The following PIK3R3 variants were observed in gnomAD, a reference collection of about 807,000 sequenced individuals.
PIK3R3 encodes phosphatidylinositol 3-kinase regulatory subunit gamma.
Under a neutral mutation model 62.9 loss-of-function variants are expected in PIK3R3, and 64 were observed. The ratio of observed to expected loss-of-function variants is 1.02; its 90% confidence interval spans 0.83 to 1.25. The LOEUF (loss-of-function observed/expected upper bound fraction) is 1.25, where lower values mean the gene tolerates loss of function less well. Ranked by LOEUF, PIK3R3 falls within the 50% of genes most tolerant of loss-of-function variation. The pLI, the probability that PIK3R3 is intolerant of heterozygous loss-of-function variation, is 0.00. For synonymous variants in PIK3R3, 165 were observed against 189.0 expected, an observed-to-expected ratio of 0.87 and a Z score of 1.04; for missense variants, 614 against 561.6, an observed-to-expected ratio of 1.09 and a Z score of -0.94.
At chr1:46,082,667 C>T (rs1650708173) in intron 1 of PIK3R3, among the ~76,000 whole-genome samples, 1 of 152,174 alleles carries the variant, frequency 6.6e-6, no homozygotes, top group Non-Finnish European at 1.5e-5. Context: ...TTGAACTGTA[C>T]TTGTAACTTT....
intron 1 of PIK3R3, among the ~76,000 whole-genome samples, chr1:46,111,386 G>A (rs911932069): frequency 4.0e-5 from 6 of 151,794 alleles, no homozygotes; most frequent in African/African-American, 7.3e-5. Context: ...ATGCCCCACC[G>A]CTGCCTTCTT....
upstream of PIK3R3, among the ~76,000 whole-genome samples, chr1:46,133,960 T>G (rs1033809066): frequency 6.6e-6 from 1 of 152,186 alleles, no homozygotes; most frequent in African/African-American, 2.4e-5. Context: ...AGCTTAAATC[T>G]GGGAGATTGG....
At chr1:46,097,225 C>A (rs983942749) in intron 1 of PIK3R3, among the ~76,000 whole-genome samples, 2 of 152,124 alleles carry the variant, frequency 1.3e-5, no homozygotes, top group African/African-American at 4.8e-5. Flanking sequence ...ATCATCTCAA[C>A]AGATGCAGAA....
chr1:46,160,345 T>G, the PIK3R3 span, among the ~76,000 whole-genome samples: 13 of 152,230 alleles, frequency 8.5e-5, no homozygotes, highest in Non-Finnish European at 1.6e-4. Flanking sequence ...TGGTGAAGAT[T>G]CTTCAACTTT....
At chr1:46,045,616 GCT>G (rs1491563744) in intron 9 of PIK3R3, among the ~76,000 whole-genome samples, 2 of 16,532 alleles carry the variant, frequency 1.2e-4, no homozygotes, top group Non-Finnish European at 1.2e-4. Flanking sequence ...ACAATTAAGT[GCT>G]TTTTTTTTTT....
chr1:46,071,462 G>A (rs957111878), intron 3 of PIK3R3, among the ~76,000 whole-genome samples: 3 of 151,334 alleles, frequency 2.0e-5, no homozygotes, highest in East Asian at 1.9e-4. Context: ...TTGGGAGGCC[G>A]AGGCGGGCAG....
chr1:46,077,511 T>C lies in PIK3R3; in HGVS notation c.314+4A>G, dbSNP rs964603204. 6.4e-6 allele frequency: 10 copies of C among 1,563,862 alleles called. No individual in the cohort carries two copies. Among genetic ancestry groups the C allele is most frequent in the Non-Finnish European group, 8.8e-6 (10 of 1,134,384 alleles). ...AACTAGCCAAAAGACTGAAAAGTAC[T>C]TACCGCAAAGTCAAAGTATAATCTC... is the stretch of plus-strand genomic sequence containing the variant. On this transcript the variant is annotated splice_donor_region_variant and intron_variant, in intron 3 of 9. Transcript: ENST00000262741.
In PIK3R3 at chr1:46,062,078, G is replaced by C. The variant is rs754019873; in HGVS notation, c.622-7C>G. The C allele has an allele frequency of 6.3e-7, 1 of 1,579,892 alleles. No individual in the cohort carries two copies. The highest frequency in any genetic ancestry group is 1.7e-4 in the Middle Eastern group (1 of 5,938). ...TCCTCTTCATCTGTATTTCCTACAG[G>C]AGAGAAAAAGAAAAAACACAGGCTT... On this transcript the variant is annotated splice_polypyrimidine_tract_variant and splice_region_variant and intron_variant, in intron 5 of 9. Transcript: ENST00000262741.
the PIK3R3 span, among the ~76,000 whole-genome samples, chr1:46,141,546 C>T: frequency 7.2e-5 from 11 of 152,346 alleles, no homozygotes; most frequent in African/African-American, 2.6e-4. Context: ...GCTGGGATTA[C>T]AGGCGTGAGC....
chr1:46,082,035 C>G (rs1024625187), intron 1 of PIK3R3, among the ~76,000 whole-genome samples: 1 of 151,964 alleles, frequency 6.6e-6, no homozygotes, highest in South Asian at 2.1e-4. Flanking sequence ...AAACAAAGAT[C>G]GATGAGGACC....
chr1:46,067,276 A>ATATATATG (rs1176435511), intron 3 of PIK3R3, among the ~76,000 whole-genome samples, 185 bp from the exon 4 acceptor site: 2 of 147,866 alleles, frequency 1.4e-5, no homozygotes, highest in African/African-American at 4.9e-5. Flanking sequence ...ATATATATAT[A>ATATATATG]TAATTCATTT....
chr1:46,068,065 G>GA (rs1649166658), intron 3 of PIK3R3, among the ~76,000 whole-genome samples: 1 of 152,020 alleles, frequency 6.6e-6, no homozygotes, highest in South Asian at 2.1e-4. Flanking sequence ...TTACATAAAT[G>GA]ACCATTTTAT....
chr1:46,174,364 G>A, the PIK3R3 span, among the ~76,000 whole-genome samples: 3 of 152,130 alleles, frequency 2.0e-5, no homozygotes, highest in African/African-American at 7.2e-5. Flanking sequence ...GGCATGGTGT[G>A]TCAGTGAATT....
rs368641799 is a variant in PIK3R3 at position 46,043,827 on chromosome 1, C to G, written c.1232G>C (p.Arg411Pro). 3 of 1,614,046 alleles carry G rather than the reference C, an allele frequency of 1.9e-6. No homozygotes were observed. The highest frequency in any genetic ancestry group is 1.7e-5 in the Admixed American group (1 of 60,008). The change falls in exon 10 of 10, where the codon CGG (arginine) becomes CCG (proline). Residue 411 changes from arginine (R) to proline (P), a missense_variant. Coordinates refer to ENST00000262741, the MANE Select transcript of PIK3R3 (RefSeq NM_003629.4). ...VKHCVIYSTA[R>P]GYGFAEPYNL... ...GTAGGGCTCTGCAAAGCCATAGCCCCGAGCAGTGCTGTAGATCACACAGTG... is the reference window on the plus strand; with the variant it reads ...GTAGGGCTCTGCAAAGCCATAGCCCGGAGCAGTGCTGTAGATCACACAGTG...
chr1:46,119,966 C>T (rs1248727312), intron 1 of PIK3R3, among the ~76,000 whole-genome samples: 1 of 151,774 alleles, frequency 6.6e-6, no homozygotes, highest in East Asian at 1.9e-4. Flanking sequence ...TTTGTAAAGA[C>T]GAGGTTTCTT....
At chr1:46,084,500 T>C (rs886286470) in intron 1 of PIK3R3, among the ~76,000 whole-genome samples, 37 of 152,236 alleles carry the variant, frequency 2.4e-4, no homozygotes, top group African/African-American at 8.4e-4. Flanking sequence ...ATCCATACTT[T>C]TTTTCAAAGT....
Position 46,043,519 on chromosome 1 carries a change from C to CCCGG in PIK3R3, c.*150_*153dup, listed in dbSNP as rs1647032349. 6.1e-6 allele frequency: 4 copies of CCCGG among 658,844 alleles called. No individual in the cohort carries two copies. Among genetic ancestry groups the CCCGG allele is most frequent in the Non-Finnish European group, 1.1e-5 (4 of 379,658 alleles). The allele number at this position is 658,844 out of a possible 1,614,324, so 40.8% of individuals were successfully genotyped here. A position where few individuals can be genotyped will look rare whatever the true frequency, so the allele number is the denominator to read the frequency against. The stretch of plus-strand genomic sequence containing the variant: ...AACCTCAGGCCTCTAATGCCCCCAT[C>CCCGG]CCGGCCGGCTGCTGCTCGGCCTCTC... On this transcript the variant is annotated 3_prime_UTR_variant, in exon 10 of 10. Coordinates refer to ENST00000262741, the MANE Select transcript of PIK3R3 (RefSeq NM_003629.4).
chr1:46,140,196 G>A, the PIK3R3 span, among the ~76,000 whole-genome samples: 1 of 152,138 alleles, frequency 6.6e-6, no homozygotes, highest in Non-Finnish European at 1.5e-5. Flanking sequence ...GTCTCCCTAT[G>A]TTGTCCAGGC....
At chr1:46,168,586 C>A in the PIK3R3 span, among the ~76,000 whole-genome samples, 9 of 152,356 alleles carry the variant, frequency 5.9e-5, 1 homozygote, top group Admixed American at 5.9e-4. Flanking sequence ...CATAACCCAA[C>A]CTTGGGCAGG....
Sources: allele counts gnomAD v4.1 joint callset (sites outside exome capture counted in the v4.1 genomes callset), GRCh38; gene constraint gnomAD v4.1.1; transcripts MANE v1.5; gene names NCBI Gene and HGNC (gene_info 2026-07-23, HGNC 2026-07-21).